Variants in KIF25 observed in about 807,000 individuals in gnomAD.
KIF25 encodes the protein kinesin family member 25, also known as kinesin-like protein KIF25.
A neutral mutation model predicts 32.9 loss-of-function variants in KIF25; 19 were observed. The observed-to-expected ratio is 0.58, with a 90% confidence interval of 0.40 to 0.85. The LOEUF is 0.85. Ranked by LOEUF, KIF25 falls within the 40% of genes least tolerant of loss-of-function variation. The probability of loss-of-function intolerance (pLI) is 0.00; values close to 1 mark genes in which losing one functional copy is unlikely to be tolerated. For synonymous variants in KIF25, 225 were observed against 213.7 expected (o/e 1.05, Z -0.46); for missense variants, 485 against 507.0 (o/e 0.96, Z 0.42).
chr6:168,042,908 T>C (rs6912966), intron 12 of KIF25, among the ~76,000 whole-genome samples, 192 bp downstream of exon 12: 132,819 of 152,184 alleles, frequency 0.87, 58,180 homozygotes, highest in East Asian at 0.98. Flanking sequence ...GGCCTGATTG[T>C]GTGCTTGTTC....
intron 5 of KIF25, among the ~76,000 whole-genome samples, chr6:168,018,632 G>A (rs927107313): frequency 2.0e-5 from 3 of 152,134 alleles, no homozygotes; most frequent in Non-Finnish European, 2.9e-5. Context: ...TGCCTTCCTC[G>A]GCACTGGGTC....
intron 12 of KIF25, 83 bp downstream of exon 12, chr6:168,042,799 CGAG>C: frequency 1.4e-6 from 2 of 1,468,854 alleles, no homozygotes; most frequent in South Asian, 2.6e-5. Context: ...TGCACGTCCT[CGAG>C]GGCCACCCAT....
intron 2 of KIF25, among the ~76,000 whole-genome samples, chr6:168,000,870 C>A (rs1798491408): frequency 6.6e-6 from 1 of 152,230 alleles, no homozygotes; most frequent in Non-Finnish European, 1.5e-5. Flanking sequence ...TCCAAATGAG[C>A]TTTCCCTGGA....
intron 4 of KIF25, among the ~76,000 whole-genome samples, chr6:168,017,204 C>CACACAG (rs3840545): frequency 2.0e-5 from 3 of 151,818 alleles, no homozygotes; most frequent in Non-Finnish European, 2.9e-5. Context: ...CACACACACA[C>CACACAG]AGACACACAC....
In KIF25 at chr6:168,037,063, G is replaced by GATAA. The variant is rs991446808; in HGVS notation, c.318-1474_318-1471dup. On this transcript the variant is annotated intron_variant, in intron 8 of 12. Transcript: ENST00000643607. Reference sequence around the variant, plus strand: ...GGTGACAGAGCGAGACTTTGTCTCAGATAAATAAATAAATAAATATAAAGT... The same window carrying GATAA: ...GGTGACAGAGCGAGACTTTGTCTCAGATAAATAAATAAATAAATAAATATAAAGT... 1.8e-4 allele frequency among the ~76,000 whole-genome samples: 27 copies of GATAA among 152,202 alleles called. No individual in the cohort carries two copies. The South Asian group carries it at 1.9e-3, about 11-fold the overall frequency.
chr6:168,035,463 G>C (rs1221336129), intron 8 of KIF25, among the ~76,000 whole-genome samples: 4 of 141,100 alleles, frequency 2.8e-5, no homozygotes, highest in Non-Finnish European at 4.7e-5. Flanking sequence ...CGGCGCTGCG[G>C]GGGGGGCGGG....
At chr6:168,028,165 C>T (rs980256180) in intron 5 of KIF25, among the ~76,000 whole-genome samples, 4 of 151,880 alleles carry the variant, frequency 2.6e-5, no homozygotes, top group East Asian at 3.9e-4. Flanking sequence ...TTTACTGCAA[C>T]GCCACTTATT....
chr6:168,038,834 C>A, intron 9 of KIF25, 105 bp downstream of exon 9: 1 of 1,092,730 alleles, frequency 9.2e-7, no homozygotes, highest in Non-Finnish European at 1.3e-6. Context: ...CTCCCCACGC[C>A]CAAGGATCCC....
intron 12 of KIF25, among the ~76,000 whole-genome samples, chr6:168,043,769 G>A (rs1799167909): frequency 6.6e-6 from 1 of 152,236 alleles, no homozygotes; most frequent in African/African-American, 2.4e-5. Flanking sequence ...TGGAGCCCTG[G>A]CCTTGGCCTC....
Position 168,038,549 on chromosome 6 carries a change from G to T in KIF25, c.318-4G>T, listed in dbSNP as rs376908446. ...GTAAGTTTCTCTTGTGTGTTTTCCCGCAGGCTCATTTTGGAAAATACCTCA... is the reference window on the plus strand; with the variant it reads ...GTAAGTTTCTCTTGTGTGTTTTCCCTCAGGCTCATTTTGGAAAATACCTCA... On this transcript the variant is annotated splice_polypyrimidine_tract_variant and splice_region_variant and intron_variant, in intron 8 of 12. Transcript: ENST00000643607. The T allele has an allele frequency of 3.7e-6, 6 of 1,613,632 alleles. No homozygotes were observed. The highest frequency in any genetic ancestry group is 1.1e-5 in the South Asian group (1 of 91,070).
intron 4 of KIF25, among the ~76,000 whole-genome samples, chr6:168,008,376 G>A (rs762308398): frequency 3.3e-5 from 5 of 152,122 alleles, no homozygotes; most frequent in Admixed American, 1.3e-4. Flanking sequence ...TAAAAAATCA[G>A]TTGACTATAG....
chr6:168,029,080 G>A (rs1798903896), intron 5 of KIF25, among the ~76,000 whole-genome samples: 1 of 152,042 alleles, frequency 6.6e-6, no homozygotes, highest in African/African-American at 2.4e-5. Flanking sequence ...GATTTCTTTT[G>A]TTCAACTGCA....
chr6:168,034,539 A>T (rs1798988700), intron 8 of KIF25, among the ~76,000 whole-genome samples: 1 of 152,168 alleles, frequency 6.6e-6, no homozygotes, highest in Non-Finnish European at 1.5e-5. Context: ...GATTATAGGC[A>T]TGAGTCTCCC....
rs139284594 is a variant in KIF25, at chr6:168,038,599, A to G, written c.364A>G (p.Ile122Val). The G allele has an allele frequency of 9.2e-5, 149 of 1,614,216 alleles. No homozygotes were observed. In the African/African-American group the frequency reaches 1.2e-3, roughly 13 times the overall value. ...TSRSPKVEVS[I>V]VEVYNNDIFD... is the part of the protein sequence containing the mutation. Reference sequence around the variant, plus strand: ...AAGAAGCCCAAAGGTTGAAGTCTCCATAGTGGAAGTTTACAATAATGACAT... The same window carrying G: ...AAGAAGCCCAAAGGTTGAAGTCTCCGTAGTGGAAGTTTACAATAATGACAT... The change falls in exon 9 of 13, where the codon ATA (isoleucine) becomes GTA (valine). Residue 122 changes from isoleucine to valine, a missense_variant. Physicochemically the swap from Ile to Val is conservative, Grantham distance 29. Around this residue, in one of 2 missense-constraint regions of KIF25, gnomAD observed 480 missense variants for 470.3 expected, o/e 1.02. Coordinates refer to ENST00000643607, the MANE Select transcript of KIF25 (RefSeq NM_030615.4).
At chr6:168,019,115 C>T (rs571440192) in intron 5 of KIF25, among the ~76,000 whole-genome samples, 6 of 152,282 alleles carry the variant, frequency 3.9e-5, no homozygotes, top group African/African-American at 1.2e-4. Context: ...ATGCAAGCCT[C>T]GAGGGGTCAA....
At chr6:168,035,872 G>A (rs1799018253) in intron 8 of KIF25, 3 of 428,766 alleles carry the variant, frequency 7.0e-6, no homozygotes, top group South Asian at 3.2e-5. Context: ...AACGAGAATC[G>A]GAGCAGACAC....
In KIF25 at chr6:168,002,651, G is replaced by C. The variant is rs1159301622; in HGVS notation, c.-261G>C. The C allele has an allele frequency of 6.6e-6, 1 of 152,212 alleles. No individual in the cohort carries two copies. The highest frequency in any genetic ancestry group is 1.5e-5 in the Non-Finnish European group (1 of 68,050). 9.4% of individuals were successfully genotyped at this position (152,212 alleles called of 1,614,324 possible). A position where few individuals can be genotyped will look rare whatever the true frequency, so the allele number is the denominator to read the frequency against. On this transcript the variant is annotated 5_prime_UTR_variant, in exon 3 of 13. Transcript: ENST00000643607. ...TTTGGCATCAGGGACCAGCTTCCTG[G>C]AAGACCAGGTTTCCACGAACTGGCG...
chr6:168,038,843 C>A, intron 9 of KIF25, 114 bp downstream of exon 9: 1 of 1,077,998 alleles, frequency 9.3e-7, no homozygotes, highest in Non-Finnish European at 1.3e-6. Context: ...CCCAAGGATC[C>A]CAAGGAGAAT....
At chr6:168,009,525 T>C (rs1798621538) in intron 4 of KIF25, among the ~76,000 whole-genome samples, 1 of 152,168 alleles carries the variant, frequency 6.6e-6, no homozygotes, top group Non-Finnish European at 1.5e-5. Flanking sequence ...TGTTGGCCTA[T>C]AGTTTTTTGT....
Sources: gnomAD v4.1 joint callset for allele counts (sites outside exome capture counted in the v4.1 genomes callset) on GRCh38, gnomAD v4.1.1 for gene constraint, gnomAD v4.1.1 regional missense constraint, MANE v1.5 for transcripts, NCBI Gene and HGNC (gene_info 2026-07-23, HGNC 2026-07-21) for gene names.